OCA2: variants seen among roughly 807,000 people sequenced by gnomAD.
OCA2 encodes P protein.
OCA2 carries 77 observed loss-of-function variants against 100.2 expected under a neutral mutation model. The observed-to-expected ratio is 0.77, with a 90% CI of 0.64 to 0.93. The LOEUF is 0.93. Among genes scored for constraint, OCA2 ranks in the 40% least tolerant of loss-of-function variants. OCA2 has a pLI of 0.00. For synonymous variants in OCA2, 432 were observed against 439.2 expected (o/e 0.98, Z 0.21); for missense variants, 1,062 against 1,089.1 (o/e 0.98, Z 0.35).
intron 1 of OCA2, among the ~76,000 whole-genome samples, chr15:28,086,684 C>A (rs540356133): frequency 2.6e-5 from 4 of 151,702 alleles, no homozygotes; most frequent in Non-Finnish European, 5.9e-5. Flanking sequence ...TTTAAATCAG[C>A]CAAAATAAAA....
At chr15:28,038,131 C>A (rs1406974048) in intron 2 of OCA2, among the ~76,000 whole-genome samples, 1 of 152,156 alleles carries the variant, frequency 6.6e-6, no homozygotes, top group Non-Finnish European at 1.5e-5. Flanking sequence ...TTGTTTGCGG[C>A]CTGTTTTCAT....
At chr15:27,734,860 G>A in the OCA2 span, among the ~76,000 whole-genome samples, 14 of 152,142 alleles carry the variant, frequency 9.2e-5, no homozygotes, top group Admixed American at 3.9e-4. Flanking sequence ...ACTGCTGAAC[G>A]GCTTTTCCAG....
chr15:28,038,459 C>G (rs980793819), intron 2 of OCA2, among the ~76,000 whole-genome samples: 2 of 152,104 alleles, frequency 1.3e-5, no homozygotes, highest in African/African-American at 4.8e-5. Context: ...GTGCAAAGTT[C>G]AGCACAGCTT....
intron 23 of OCA2, among the ~76,000 whole-genome samples, chr15:27,841,494 C>T (rs1352559068): frequency 6.6e-6 from 1 of 152,120 alleles, no homozygotes; most frequent in Non-Finnish European, 1.5e-5. Flanking sequence ...TACAACTGCA[C>T]ATGAATCTAC....
intron 19 of OCA2, among the ~76,000 whole-genome samples, chr15:27,910,547 A>T (rs1238179164): frequency 6.6e-6 from 1 of 152,238 alleles, no homozygotes; most frequent in Non-Finnish European, 1.5e-5. Context: ...TTTCCAAGAC[A>T]TAACATTAAG....
At chr15:27,792,316 A>G (rs1211836081) in intron 23 of OCA2, among the ~76,000 whole-genome samples, 1 of 151,998 alleles carries the variant, frequency 6.6e-6, no homozygotes, top group Non-Finnish European at 1.5e-5. Context: ...ATGCACATGA[A>G]TGAACCAAGC....
intron 19 of OCA2, among the ~76,000 whole-genome samples, chr15:27,900,175 G>A (rs776251406): frequency 5.9e-5 from 9 of 152,120 alleles, no homozygotes; most frequent in Non-Finnish European, 1.2e-4. Flanking sequence ...CCCCTCTAGA[G>A]AGCATGTGCA....
At chr15:27,733,098 G>T in the OCA2 span, among the ~76,000 whole-genome samples, 1 of 152,162 alleles carries the variant, frequency 6.6e-6, no homozygotes, top group South Asian at 2.1e-4. Flanking sequence ...ACGAATGCCT[G>T]CATTCTTTTG....
At chr15:27,901,978 T>C (rs898291943) in intron 19 of OCA2, among the ~76,000 whole-genome samples, 1 of 151,656 alleles carries the variant, frequency 6.6e-6, no homozygotes, top group Admixed American at 6.5e-5. Flanking sequence ...AGAAGGGTCC[T>C]GGCAGGGGGC....
chr15:28,011,932 A>T (rs1483730732), intron 9 of OCA2, among the ~76,000 whole-genome samples: 1 of 149,520 alleles, frequency 6.7e-6, no homozygotes, highest in East Asian at 2.0e-4. Context: ...AGAAAAAAAA[A>T]GGCCGGCACT....
At chr15:27,916,872 T>C (rs1435881025) in intron 19 of OCA2, among the ~76,000 whole-genome samples, 12 of 152,196 alleles carry the variant, frequency 7.9e-5, no homozygotes, top group Non-Finnish European at 2.9e-5. Flanking sequence ...GAAGAAGGAT[T>C]TGACCCAAAA....
intron 9 of OCA2, among the ~76,000 whole-genome samples, chr15:27,997,726 T>C (rs562294247): frequency 6.2e-5 from 7 of 113,146 alleles, no homozygotes; most frequent in Admixed American, 1.7e-4. Context: ...AAGTCATTGG[T>C]AGCTTGCTGG....
chr15:27,870,547 A>G lies in OCA2; in HGVS notation c.2244+607T>C, dbSNP rs2036505401. 2.0e-5 allele frequency among the ~76,000 whole-genome samples: 3 copies of G among 152,246 alleles called. No individual in the cohort carries two copies. The Middle Eastern group carries it at 0.01, about 518-fold the overall frequency. Reference sequence around the variant, plus strand: ...GGCTGGGGCTCAAGACCACACAGAGAATGAAAGATCTTGCCCAGGCCAAGC... The same window carrying G: ...GGCTGGGGCTCAAGACCACACAGAGGATGAAAGATCTTGCCCAGGCCAAGC... On this transcript the variant is annotated intron_variant, in intron 21 of 23. Coordinates refer to ENST00000354638, the MANE Select transcript of OCA2 (RefSeq NM_000275.3).
chr15:27,781,291 C>A (rs117739909), intron 23 of OCA2, among the ~76,000 whole-genome samples: 1 of 152,344 alleles, frequency 6.6e-6, no homozygotes, highest in East Asian at 1.9e-4. Flanking sequence ...AGGTCCAGCA[C>A]ACCCAGTTCC....
downstream of OCA2, among the ~76,000 whole-genome samples, chr15:27,750,011 C>A (rs1296914977): frequency 6.6e-6 from 1 of 152,174 alleles, no homozygotes; most frequent in South Asian, 2.1e-4. Context: ...CAAGCATAGG[C>A]TTTAGCAAAG....
At chr15:27,841,866 C>T (rs1434656887) in intron 23 of OCA2, among the ~76,000 whole-genome samples, 1 of 152,146 alleles carries the variant, frequency 6.6e-6, no homozygotes, top group African/African-American at 2.4e-5. Context: ...CCAGATGAAC[C>T]TTGAGCATTT....
At chr15:27,952,569 G>A (rs1376935821) in intron 17 of OCA2, among the ~76,000 whole-genome samples, 1 of 152,262 alleles carries the variant, frequency 6.6e-6, no homozygotes, top group African/African-American at 2.4e-5. Context: ...GGCCTGCCCT[G>A]TTAACAAGGT....
At chr15:27,774,042 C>A (rs1293143372) in intron 23 of OCA2, among the ~76,000 whole-genome samples, 1 of 152,012 alleles carries the variant, frequency 6.6e-6, no homozygotes, top group Non-Finnish European at 1.5e-5. Flanking sequence ...TTTTTCTATT[C>A]AGGTATATTT....
At chr15:27,813,263 G>T (rs1489521610) in intron 23 of OCA2, among the ~76,000 whole-genome samples, 1 of 152,024 alleles carries the variant, frequency 6.6e-6, no homozygotes, top group African/African-American at 2.4e-5. Context: ...GGCTCTCCGG[G>T]GTCCCAGCCT....
Sources: gnomAD v4.1 joint callset for allele counts (sites outside exome capture counted in the v4.1 genomes callset) on GRCh38, gnomAD v4.1.1 for gene constraint, MANE v1.5 for transcripts, NCBI Gene and HGNC (gene_info 2026-07-23, HGNC 2026-07-21) for gene names.